ASCC3: variants seen among roughly 807,000 people sequenced by gnomAD.
The protein encoded by ASCC3 is ASC-1 complex subunit P200.
A neutral mutation model predicts 256.3 loss-of-function variants in ASCC3; 158 were observed. The ratio of observed to expected loss-of-function variants is 0.62; its 90% CI spans 0.54 to 0.70. ASCC3 has a LOEUF of 0.70. Among genes scored for constraint, ASCC3 ranks in the 30% least tolerant of loss-of-function variants. The pLI is 0.00. For missense variants in ASCC3, 2,259 were observed against 2,626.0 expected (o/e 0.86, Z 3.05); for synonymous variants, 948 against 883.4 (o/e 1.07, Z -1.30).
Position 100,642,734 on chromosome 6 carries a change from C to A in ASCC3, c.3748G>T (p.Ala1250Ser). The A allele has an allele frequency of 6.2e-7, 1 of 1,613,270 alleles. No homozygotes were observed. Among genetic ancestry groups the A allele is most frequent in the Non-Finnish European group, 8.5e-7 (1 of 1,179,348 alleles). Residue 1250 changes from alanine (A) to serine (S), a missense_variant, in exon 24 of 42, where the codon GCC becomes TCC. Physicochemically the swap from Ala to Ser is moderately conservative, Grantham distance 99. Transcript: ENST00000369162. ...ALKKQVISKE[A>S]QLLVFTIPIF... ...GGGATTGTAAATACCAGTAGTTGGG[C>A]TTCTTTACTAATGACCTAATATGAA...
At chr6:100,616,233 C>T (rs185025882) in intron 30 of ASCC3, among the ~76,000 whole-genome samples, 1 of 152,236 alleles carries the variant, frequency 6.6e-6, no homozygotes, top group East Asian at 1.9e-4. Flanking sequence ...TATAGTTCAT[C>T]TCTGTAGGTC....
chr6:100,699,754 G>A (rs1350119701), intron 13 of ASCC3, among the ~76,000 whole-genome samples: 1 of 152,136 alleles, frequency 6.6e-6, no homozygotes, highest in African/African-American at 2.4e-5. Context: ...TGGAGATGAG[G>A]AACTGGAGCA....
intron 30 of ASCC3, among the ~76,000 whole-genome samples, chr6:100,613,455 C>A (rs1253750733): frequency 6.6e-6 from 1 of 152,004 alleles, no homozygotes; most frequent in Non-Finnish European, 1.5e-5. Flanking sequence ...ATAGTTCCAT[C>A]CATGCTGATG....
Position 100,792,957 on chromosome 6 carries a change from G to A in ASCC3, c.1395+5756C>T, listed in dbSNP as rs185398711. On this transcript the variant is annotated intron_variant, in intron 8 of 41. Coordinates refer to ENST00000369162, the MANE Select transcript of ASCC3 (RefSeq NM_006828.4). ...TCTCCATTTCTTAATTGTCACTTTG[G>A]AAATTACCTTTATGAAATAAATTAT... 1.4e-3 allele frequency among the ~76,000 whole-genome samples: 210 copies of A among 151,948 alleles called. 1 individual carries two copies. Among genetic ancestry groups the A allele is most frequent in the Non-Finnish European group, 2.9e-4 (20 of 67,872 alleles).
chr6:100,767,131 A>T lies in ASCC3; in HGVS notation c.1596+14T>A. On this transcript the variant is annotated intron_variant, in intron 9 of 41. Coordinates refer to ENST00000369162, the MANE Select transcript of ASCC3 (RefSeq NM_006828.4). ...TTACAATTTAAAAAGCTGTTGTCTGATTTATTTACTTACCTTAAATTCATT... is the reference window on the plus strand; with the variant it reads ...TTACAATTTAAAAAGCTGTTGTCTGTTTTATTTACTTACCTTAAATTCATT... The T allele has an allele frequency of 6.2e-7, 1 of 1,610,388 alleles. No homozygotes were observed. The highest frequency in any genetic ancestry group is 8.5e-7 in the Non-Finnish European group (1 of 1,176,720).
Position 100,628,708 on chromosome 6 carries a change from G to C in ASCC3, c.4375+307C>G, listed in dbSNP as rs139755457. Among the ~76,000 whole-genome samples the C allele has an allele frequency of 3.0e-3, 454 of 152,252 alleles. 3 individuals are homozygous for C. Among genetic ancestry groups the C allele is most frequent in the African/African-American group, 0.011 (440 of 41,556 alleles). On this transcript the variant is annotated intron_variant, in intron 27 of 41. Coordinates refer to ENST00000369162, the MANE Select transcript of ASCC3 (RefSeq NM_006828.4). The stretch of plus-strand genomic sequence containing the variant: ...AGCCACTACATTTACTGTACAAGCT[G>C]TAGAATCTTGAGCCAATTAAACCTC...
chr6:100,678,327 T>G (rs576600817), intron 14 of ASCC3, among the ~76,000 whole-genome samples: 6 of 152,086 alleles, frequency 3.9e-5, no homozygotes, highest in Non-Finnish European at 8.8e-5. Flanking sequence ...ACTTGACTTT[T>G]CAAAGACTCT....
At chr6:100,601,701 C>G in intron 34 of ASCC3, 109 bp downstream of exon 34, 1 of 1,298,040 alleles carries the variant, frequency 7.7e-7, no homozygotes, top group Non-Finnish European at 1.1e-6. Flanking sequence ...TACCTAGAAT[C>G]TCCAAAGTTC....
chr6:100,743,385 G>A (rs952945158), intron 10 of ASCC3, among the ~76,000 whole-genome samples: 37 of 152,176 alleles, frequency 2.4e-4, no homozygotes, highest in African/African-American at 7.5e-4. Context: ...GGCCATCTTC[G>A]ATTTCGGCCA....
chr6:100,571,463 C>G (rs1770588474), intron 36 of ASCC3, among the ~76,000 whole-genome samples: 1 of 152,150 alleles, frequency 6.6e-6, no homozygotes, highest in South Asian at 2.1e-4. Flanking sequence ...TCCACTATAA[C>G]TATAAGGTCC....
At chr6:100,749,684 A>C (rs141557996) in intron 10 of ASCC3, among the ~76,000 whole-genome samples, 1,829 of 152,056 alleles carry the variant, frequency 0.012, 11 homozygotes, top group Non-Finnish European at 0.019. Context: ...CGTTGACTGC[A>C]ATTATCTAAG....
chr6:100,583,218 G>T (rs1385750502), intron 36 of ASCC3, among the ~76,000 whole-genome samples: 3 of 152,096 alleles, frequency 2.0e-5, no homozygotes, highest in South Asian at 4.1e-4. Flanking sequence ...TCTGGTCCTG[G>T]ACTCTTTTTC....
chr6:100,509,811 C>T (rs1449414290), intron 41 of ASCC3, 121 bp downstream of exon 41: 8 of 1,017,706 alleles, frequency 7.9e-6, no homozygotes, highest in Non-Finnish European at 1.1e-5. Context: ...TGGCGTGAAC[C>T]CGGGAGGCGG....
chr6:100,642,881 G>A, intron 23 of ASCC3, 132 bp from the exon 24 acceptor site: 1 of 913,724 alleles, frequency 1.1e-6, no homozygotes. Flanking sequence ...GTAAATAGCT[G>A]AGATATTCGG....
chr6:100,723,119 T>C (rs1779423539), intron 11 of ASCC3, among the ~76,000 whole-genome samples: 1 of 151,786 alleles, frequency 6.6e-6, no homozygotes, highest in African/African-American at 2.4e-5. Flanking sequence ...AGAACAGAAA[T>C]GTCTCATACT....
chr6:100,753,941 T>A (rs1294413524), intron 10 of ASCC3, among the ~76,000 whole-genome samples: 1 of 152,174 alleles, frequency 6.6e-6, no homozygotes, highest in Non-Finnish European at 1.5e-5. Context: ...GGTCACTATA[T>A]GACACTGCAA....
At chr6:100,705,043 CA>C (rs1778516857) in intron 13 of ASCC3, among the ~76,000 whole-genome samples, 1 of 151,960 alleles carries the variant, frequency 6.6e-6, no homozygotes, top group Non-Finnish European at 1.5e-5. Context: ...TTTGGTAACA[CA>C]AAGAGAAGCT....
At chr6:100,608,039 T>TACATACATATACATATATAC in intron 30 of ASCC3, among the ~76,000 whole-genome samples, 1 of 138,158 alleles carries the variant, frequency 7.2e-6, no homozygotes, top group East Asian at 2.1e-4. Flanking sequence ...TATTTATATA[T>TACATACATATACATATATAC]ACATACATAT....
chr6:100,740,848 T>C (rs1780402956), intron 10 of ASCC3, among the ~76,000 whole-genome samples: 1 of 152,248 alleles, frequency 6.6e-6, no homozygotes, highest in African/African-American at 2.4e-5. Flanking sequence ...TGGCTCTTTA[T>C]CCAGCTTGCC....
Sources: gnomAD v4.1 joint callset for allele counts (sites outside exome capture counted in the v4.1 genomes callset) on GRCh38, gnomAD v4.1.1 for gene constraint, MANE v1.5 for transcripts, NCBI Gene and HGNC (gene_info 2026-07-23, HGNC 2026-07-21) for gene names.